KHDRBS3: variants seen among roughly 807,000 people sequenced by gnomAD.
KHDRBS3 encodes the protein KH RNA binding domain containing, signal transduction associated 3.
KHDRBS3 carries 23 observed loss-of-function variants against 45.6 expected under a neutral mutation model. That is an observed-to-expected ratio of 0.50 (90% CI 0.36 to 0.72). The LOEUF is 0.72. Among genes scored for constraint, KHDRBS3 ranks in the 30% least tolerant of loss-of-function variants. The pLI, the probability that KHDRBS3 is intolerant of heterozygous loss-of-function variation, is 0.00. For synonymous variants in KHDRBS3, 162 were observed against 156.5 expected (o/e 1.04, Z -0.26); for missense variants, 352 against 424.8 (o/e 0.83, Z 1.51).
chr8:135,607,852 G>T (rs552847682), intron 7 of KHDRBS3, among the ~76,000 whole-genome samples: 4 of 152,118 alleles, frequency 2.6e-5, no homozygotes, highest in Non-Finnish European at 4.4e-5. Flanking sequence ...GCACACATAG[G>T]TTCTCTTTAT....
At chr8:135,589,552 T>C (rs1828644956) in intron 6 of KHDRBS3, among the ~76,000 whole-genome samples, 1 of 152,228 alleles carries the variant, frequency 6.6e-6, no homozygotes, top group African/African-American at 2.4e-5. Flanking sequence ...TGCTTTCTTA[T>C]TTTGTCCATG....
At chr8:135,567,302 A>G (rs1270515931) in intron 5 of KHDRBS3, among the ~76,000 whole-genome samples, 2 of 152,070 alleles carry the variant, frequency 1.3e-5, no homozygotes, top group Non-Finnish European at 2.9e-5. Flanking sequence ...AAAACACGTC[A>G]GTTCACACTT....
At chr8:135,544,609 G>T (rs1826198902) in intron 3 of KHDRBS3, among the ~76,000 whole-genome samples, 1 of 152,150 alleles carries the variant, frequency 6.6e-6, no homozygotes, top group African/African-American at 2.4e-5. Context: ...ACCTTGAGTT[G>T]CATGGAGACT....
chr8:135,646,907 G>T, intron 8 of KHDRBS3, 86 bp from the exon 9 acceptor site: 3 of 756,362 alleles, frequency 4.0e-6, no homozygotes, highest in South Asian at 1.5e-5. Flanking sequence ...ATGTACCTTT[G>T]GTTCAGGGCT....
chr8:135,648,994 C>A (rs189352195), downstream of KHDRBS3, among the ~76,000 whole-genome samples: 1 of 152,046 alleles, frequency 6.6e-6, no homozygotes, highest in African/African-American at 2.4e-5. Context: ...AAAAATTACA[C>A]AGATATGCTG....
intron 2 of KHDRBS3, among the ~76,000 whole-genome samples, chr8:135,527,010 A>G (rs1825223721): frequency 6.6e-6 from 1 of 151,952 alleles, no homozygotes; most frequent in Non-Finnish European, 1.5e-5. Context: ...TATAAACCCC[A>G]AATCAACATT....
At chr8:135,611,569 G>A (rs190140146) in intron 7 of KHDRBS3, among the ~76,000 whole-genome samples, 2 of 151,944 alleles carry the variant, frequency 1.3e-5, no homozygotes, top group Admixed American at 1.3e-4. Context: ...CTTGCAGATG[G>A]CTGCCTTCTC....
chr8:135,645,992 A>T (rs1209988324), intron 8 of KHDRBS3, among the ~76,000 whole-genome samples: 1 of 100,688 alleles, frequency 9.9e-6, no homozygotes, highest in African/African-American at 4.1e-5. Flanking sequence ...TGCACCTTGG[A>T]TTTTTTTTTT....
chr8:135,599,483 A>G (rs1366005823), intron 6 of KHDRBS3, among the ~76,000 whole-genome samples: 2 of 152,230 alleles, frequency 1.3e-5, no homozygotes, highest in African/African-American at 4.8e-5. Context: ...CAGTATTGTA[A>G]TACAGACTGC....
chr8:135,511,544 T>A (rs1043618653), intron 1 of KHDRBS3, among the ~76,000 whole-genome samples: 1 of 149,324 alleles, frequency 6.7e-6, no homozygotes, highest in African/African-American at 2.5e-5. Context: ...TTTTTTTGTT[T>A]GTTTGTTGTT....
intron 1 of KHDRBS3, among the ~76,000 whole-genome samples, chr8:135,506,076 G>A (rs1259019175): frequency 6.6e-6 from 1 of 152,074 alleles, no homozygotes; most frequent in Non-Finnish European, 1.5e-5. Flanking sequence ...TGGCATAGAT[G>A]GCTTGTTTGT....
intron 1 of KHDRBS3, among the ~76,000 whole-genome samples, chr8:135,469,485 C>T (rs1385344814): frequency 7.5e-6 from 1 of 133,704 alleles, no homozygotes; most frequent in East Asian, 2.3e-4. Context: ...GATGGGGTTT[C>T]ACCATGTTAG....
intron 5 of KHDRBS3, among the ~76,000 whole-genome samples, chr8:135,574,502 G>C (rs1332919363): frequency 6.6e-6 from 1 of 152,052 alleles, no homozygotes; most frequent in Non-Finnish European, 1.5e-5. Flanking sequence ...AGAAGTGTGG[G>C]CTTCTTGAAT....
intron 5 of KHDRBS3, among the ~76,000 whole-genome samples, chr8:135,567,414 T>G (rs1368423763): frequency 6.6e-6 from 1 of 152,224 alleles, no homozygotes; most frequent in Non-Finnish European, 1.5e-5. Context: ...TATTGAAATG[T>G]ACTATTTCCA....
chr8:135,597,890 T>A (rs1829043087), intron 6 of KHDRBS3, among the ~76,000 whole-genome samples: 1 of 152,238 alleles, frequency 6.6e-6, no homozygotes, highest in Non-Finnish European at 1.5e-5. Context: ...CCTTCACTTG[T>A]TTGTAGGATT....
chr8:135,645,918 A>G (rs957978313), intron 8 of KHDRBS3, among the ~76,000 whole-genome samples: 3 of 148,560 alleles, frequency 2.0e-5, no homozygotes, highest in Non-Finnish European at 4.5e-5. Context: ...CGGAAAAACC[A>G]TTTTCCGGCG....
intron 1 of KHDRBS3, among the ~76,000 whole-genome samples, chr8:135,520,256 C>T (rs188905494): frequency 2.0e-5 from 3 of 152,310 alleles, no homozygotes; most frequent in Non-Finnish European, 2.9e-5. Flanking sequence ...CTTCTCCAGG[C>T]TGTTCTTTAT....
intron 1 of KHDRBS3, among the ~76,000 whole-genome samples, chr8:135,518,295 T>G (rs1052130157): frequency 1.3e-5 from 2 of 152,038 alleles, no homozygotes; most frequent in African/African-American, 4.8e-5. Context: ...TGCCTCAGCC[T>G]CCCCAGTAGC....
intron 2 of KHDRBS3, among the ~76,000 whole-genome samples, chr8:135,536,960 C>G (rs1160750595): frequency 2.8e-5 from 2 of 71,040 alleles, no homozygotes; most frequent in Non-Finnish European, 4.9e-5. Context: ...GAGCGAAACT[C>G]CATCTCAAAA....
Sources: allele counts gnomAD v4.1 joint callset (sites outside exome capture counted in the v4.1 genomes callset), GRCh38; gene constraint gnomAD v4.1.1; transcripts MANE v1.5; gene names NCBI Gene and HGNC (gene_info 2026-07-23, HGNC 2026-07-21).